Variants in SRPK2 observed in about 807,000 individuals in gnomAD.
The protein encoded by SRPK2 is SRSF protein kinase 2, also known as SFRS protein kinase 2.
SRPK2 carries 21 observed loss-of-function variants against 90.8 expected under a neutral mutation model. The observed-to-expected ratio is 0.23, with a 90% CI of 0.16 to 0.33. SRPK2 has a LOEUF of 0.33. Ranked by LOEUF, SRPK2 falls within the 10% of genes least tolerant of loss-of-function variation. The pLI, the probability that SRPK2 is intolerant of heterozygous loss-of-function variation, is 1.00. For missense variants in SRPK2, 620 were observed against 869.0 expected (o/e 0.71, Z 3.60); for synonymous variants, 288 against 311.1 (o/e 0.93, Z 0.78).
chr7:105,379,749 C>T (rs1197320545), intron 2 of SRPK2, among the ~76,000 whole-genome samples: 12 of 152,094 alleles, frequency 7.9e-5, no homozygotes, highest in African/African-American at 2.4e-4. Context: ...GAAGCCGAGG[C>T]GGGCAGATCA....
intron 15 of SRPK2, among the ~76,000 whole-genome samples, chr7:105,125,626 A>G (rs1226523460): frequency 6.6e-6 from 1 of 152,244 alleles, no homozygotes; most frequent in Non-Finnish European, 1.5e-5. Flanking sequence ...TACTCCAGGT[A>G]TCAGATGGGT....
chr7:105,289,980 G>A (rs561312801), intron 2 of SRPK2, among the ~76,000 whole-genome samples: 1 of 152,096 alleles, frequency 6.6e-6, no homozygotes, highest in African/African-American at 2.4e-5. Context: ...AGAGGAGGGA[G>A]AGAGACAGAG....
chr7:105,214,785 A>G (rs2129613618), intron 2 of SRPK2, among the ~76,000 whole-genome samples: 1 of 152,336 alleles, frequency 6.6e-6, no homozygotes, highest in African/African-American at 2.4e-5. Context: ...CCCCCTACAG[A>G]TTCAACAAAA....
chr7:105,134,735 G>T (rs1328841533), intron 11 of SRPK2, among the ~76,000 whole-genome samples: 1 of 152,186 alleles, frequency 6.6e-6, no homozygotes, highest in Non-Finnish European at 1.5e-5. Flanking sequence ...TCAGGACCTA[G>T]GGTGCCCACA....
intron 3 of SRPK2, among the ~76,000 whole-genome samples, chr7:105,169,822 T>G (rs145588682): frequency 1.7e-3 from 259 of 152,296 alleles, no homozygotes; most frequent in African/African-American, 5.9e-3. Context: ...CTCTATTTAC[T>G]TATTTATTTT....
At chr7:105,158,796 T>G (rs915916883) in intron 7 of SRPK2, among the ~76,000 whole-genome samples, 1 of 150,892 alleles carries the variant, frequency 6.6e-6, no homozygotes, top group African/African-American at 2.4e-5. Flanking sequence ...GGTTTTATTT[T>G]TTTGTGTTTT....
chr7:105,244,767 T>C (rs1801359456), intron 2 of SRPK2: 4 of 993,200 alleles, frequency 4.0e-6, no homozygotes, highest in Non-Finnish European at 6.5e-6. Context: ...CACACCAAGT[T>C]TGTGCGGGAC....
At chr7:105,342,160 T>A (rs1374272951) in intron 2 of SRPK2, among the ~76,000 whole-genome samples, 2 of 150,926 alleles carry the variant, frequency 1.3e-5, no homozygotes, top group Non-Finnish European at 2.9e-5. Flanking sequence ...CCGTCTCCAC[T>A]AAAAATACAA....
chr7:105,399,010 A>G (rs965346229), intron 1 of SRPK2: 6 of 152,214 alleles, frequency 3.9e-5, no homozygotes, highest in Non-Finnish European at 8.8e-5. Context: ...TTCACATGAA[A>G]CACTTATAGA....
chr7:105,238,746 A>T (rs1404095371), intron 2 of SRPK2, among the ~76,000 whole-genome samples: 1 of 49,846 alleles, frequency 2.0e-5, no homozygotes, highest in Non-Finnish European at 6.0e-5. Context: ...TAATTTCTGA[A>T]AATTTGTTCT....
chr7:105,190,460 C>T (rs1325017082), intron 3 of SRPK2, among the ~76,000 whole-genome samples: 1 of 152,156 alleles, frequency 6.6e-6, no homozygotes, highest in Admixed American at 6.5e-5. Context: ...TTCTCAAAGG[C>T]TTGTCATTGA....
chr7:105,365,327 A>C (rs966359926), intron 2 of SRPK2, among the ~76,000 whole-genome samples: 1 of 151,838 alleles, frequency 6.6e-6, no homozygotes, highest in African/African-American at 2.4e-5. Flanking sequence ...TCTACTAAAA[A>C]TACAAAAAAT....
chr7:105,150,794 A>G (rs1805535064), intron 7 of SRPK2, among the ~76,000 whole-genome samples: 1 of 152,230 alleles, frequency 6.6e-6, no homozygotes, highest in African/African-American at 2.4e-5. Flanking sequence ...AAGGAATACG[A>G]TTTTTGAAAA....
At chr7:105,341,601 G>C (rs1815802202) in intron 2 of SRPK2, among the ~76,000 whole-genome samples, 1 of 152,124 alleles carries the variant, frequency 6.6e-6, no homozygotes, top group Admixed American at 6.6e-5. Flanking sequence ...AAGCTCAGGA[G>C]GCAGAGGTTG....
chr7:105,263,184 G>T (rs907267587), intron 2 of SRPK2, among the ~76,000 whole-genome samples: 3 of 152,044 alleles, frequency 2.0e-5, no homozygotes, highest in Admixed American at 1.3e-4. Context: ...TTAGCCGGGC[G>T]TGGTGGCGCG....
chr7:105,166,111 G>A (rs1014978768), intron 6 of SRPK2, among the ~76,000 whole-genome samples: 3 of 152,168 alleles, frequency 2.0e-5, no homozygotes, highest in Non-Finnish European at 4.4e-5. Context: ...TACACTTATA[G>A]CTGACCAAGA....
intron 1 of SRPK2, among the ~76,000 whole-genome samples, chr7:105,397,382 C>T (rs1822361045): frequency 6.8e-6 from 1 of 147,408 alleles, no homozygotes; most frequent in African/African-American, 2.5e-5. Context: ...CAGGCTGGAG[C>T]ACAGTGGCAT....
intron 2 of SRPK2, among the ~76,000 whole-genome samples, chr7:105,339,611 C>G (rs1815509095): frequency 6.6e-6 from 1 of 152,164 alleles, no homozygotes; most frequent in African/African-American, 2.4e-5. Context: ...TCCTGTGATC[C>G]CTGAGAATAC....
chr7:105,219,568 AAGTATGACGTT>A (rs1797858937), intron 2 of SRPK2, among the ~76,000 whole-genome samples: 2 of 152,210 alleles, frequency 1.3e-5, no homozygotes, highest in African/African-American at 4.8e-5. Flanking sequence ...CCTGTTTACT[AAGTATGACGTT>A]AGCTATGTGC....
Sources: allele counts gnomAD v4.1 joint callset (sites outside exome capture counted in the v4.1 genomes callset), GRCh38; gene constraint gnomAD v4.1.1; transcripts MANE v1.5; gene names NCBI Gene and HGNC (gene_info 2026-07-23, HGNC 2026-07-21).